The following CWC27 variants were observed in gnomAD, a reference collection of about 807,000 sequenced individuals.
CWC27 encodes the protein CWC27 spliceosome associated cyclophilin.
CWC27 carries 47 observed loss-of-function variants against 63.6 expected under a neutral mutation model. The observed-to-expected ratio is 0.74, with a 90% confidence interval of 0.58 to 0.94. The LOEUF is 0.94. Ranked by LOEUF, CWC27 falls within the 40% of genes least tolerant of loss-of-function variation. CWC27 has a pLI of 0.00. For synonymous variants in CWC27, 175 were observed against 179.8 expected (o/e 0.97, Z 0.22); for missense variants, 495 against 554.3 (o/e 0.89, Z 1.07).
At chr5:64,778,524 AG>A (rs1743541060) in intron 2 of CWC27, among the ~76,000 whole-genome samples, 1 of 152,206 alleles carries the variant, frequency 6.6e-6, no homozygotes, top group Non-Finnish European at 1.5e-5. Context: ...ATGAATTTGT[AG>A]CATTTGAGTG....
At chr5:64,941,780 G>A (rs1430884052) in intron 11 of CWC27, among the ~76,000 whole-genome samples, 3 of 152,004 alleles carry the variant, frequency 2.0e-5, no homozygotes, top group Non-Finnish European at 4.4e-5. Context: ...ACTATCAGGA[G>A]TATGATTTCA....
intron 11 of CWC27, among the ~76,000 whole-genome samples, chr5:64,948,745 T>C (rs1484169510): frequency 6.6e-6 from 1 of 151,980 alleles, no homozygotes; most frequent in Non-Finnish European, 1.5e-5. Flanking sequence ...TAAAATTGAG[T>C]GTGCAGATGA....
chr5:64,992,501 C>T (rs1247480143), intron 13 of CWC27, among the ~76,000 whole-genome samples: 1 of 151,718 alleles, frequency 6.6e-6, no homozygotes, highest in Admixed American at 6.6e-5. Flanking sequence ...CAGCATATAT[C>T]ACCCATTCTC....
At chr5:64,867,941 G>A (rs1287219401) in intron 10 of CWC27, among the ~76,000 whole-genome samples, 1 of 63,604 alleles carries the variant, frequency 1.6e-5, no homozygotes, top group Non-Finnish European at 3.3e-5. Flanking sequence ...TTGTGTTTGG[G>A]GGGGGGGCTG....
At chr5:64,901,144 G>C (rs1747497207) in intron 11 of CWC27, among the ~76,000 whole-genome samples, 1 of 152,098 alleles carries the variant, frequency 6.6e-6, no homozygotes, top group African/African-American at 2.4e-5. Flanking sequence ...ATCCTGTATA[G>C]CATATTACTG....
intron 3 of CWC27, 110 bp from the exon 4 acceptor site, chr5:64,783,726 T>C: frequency 1.1e-6 from 1 of 912,626 alleles, no homozygotes; most frequent in Non-Finnish European, 1.6e-6. Flanking sequence ...TTAAGTAAAA[T>C]GTCTGCATTT....
At chr5:64,833,079 A>G (rs1017176590) in intron 10 of CWC27, among the ~76,000 whole-genome samples, 1 of 151,858 alleles carries the variant, frequency 6.6e-6, no homozygotes, top group African/African-American at 2.4e-5. Flanking sequence ...GTGAAGTTAC[A>G]TGATTTAAAA....
intron 10 of CWC27, among the ~76,000 whole-genome samples, chr5:64,827,042 T>C (rs1023041654): frequency 6.6e-6 from 1 of 152,174 alleles, no homozygotes; most frequent in Admixed American, 6.5e-5. Context: ...TTTCAATGTG[T>C]TTTTCTTTTA....
chr5:64,905,405 T>C (rs552087474), intron 11 of CWC27, among the ~76,000 whole-genome samples: 39 of 152,210 alleles, frequency 2.6e-4, no homozygotes, highest in Admixed American at 7.9e-4. Flanking sequence ...CTTTACTTTC[T>C]GTCTTTTAGA....
At chr5:64,804,482 C>T in intron 10 of CWC27, 96 bp downstream of exon 10, 1 of 1,222,758 alleles carries the variant, frequency 8.2e-7, no homozygotes, top group Non-Finnish European at 1.1e-6. Flanking sequence ...TTTTAAAATA[C>T]TATTTTCATA....
rs774681485 is a variant in CWC27 at position 64,783,853 on chromosome 5, G to T, written c.270G>T (p.Arg90=). 2 of 1,581,830 alleles carry T rather than the reference G, an allele frequency of 1.3e-6. No individual in the cohort carries two copies. Among genetic ancestry groups the T allele is most frequent in the Non-Finnish European group, 8.6e-7 (1 of 1,167,302 alleles). ...CATTTCAGGATGAATTTCATTCACG[G>T]TTGCGTTTTAATCGGAGAGGACTGG... ...GAPFKDEFHS[R]LRFNRRGLVA... The change falls in exon 4 of 14, where the codon CGG becomes CGT. Residue 90 remains arginine, a synonymous_variant. Coordinates refer to ENST00000381070, the MANE Select transcript of CWC27 (RefSeq NM_005869.4).
chr5:64,959,738 T>C (rs1748868396), intron 11 of CWC27, among the ~76,000 whole-genome samples: 1 of 152,236 alleles, frequency 6.6e-6, no homozygotes, highest in Non-Finnish European at 1.5e-5. Context: ...AACTTTTCCA[T>C]TCAGTAAAAG....
chr5:64,861,852 C>A (rs945800944), intron 10 of CWC27, among the ~76,000 whole-genome samples: 1 of 152,126 alleles, frequency 6.6e-6, no homozygotes, highest in African/African-American at 2.4e-5. Flanking sequence ...CTATCATTCT[C>A]ATTACTTTCC....
chr5:64,889,412 C>A (rs1014277033), intron 11 of CWC27, among the ~76,000 whole-genome samples: 7 of 151,822 alleles, frequency 4.6e-5, no homozygotes, highest in African/African-American at 1.7e-4. Context: ...AATAAAACAA[C>A]GAAAAGTAAA....
At chr5:64,846,419 GAATTGTTGTATGCAAAGTT>G (rs1014885863) in intron 10 of CWC27, among the ~76,000 whole-genome samples, 4 of 152,218 alleles carry the variant, frequency 2.6e-5, no homozygotes, top group Admixed American at 1.3e-4. Context: ...AAAAAGTATA[GAATTGTTGTATGCAAAGTT>G]AATTGTTGTA....
intron 10 of CWC27, among the ~76,000 whole-genome samples, chr5:64,819,945 C>T (rs1258614680): frequency 6.6e-6 from 1 of 152,138 alleles, no homozygotes; most frequent in African/African-American, 2.4e-5. Context: ...TAAGGTCATT[C>T]AGAGCTTTTT....
At chr5:64,819,119 G>T (rs2112242562) in intron 10 of CWC27, among the ~76,000 whole-genome samples, 1 of 152,246 alleles carries the variant, frequency 6.6e-6, no homozygotes, top group South Asian at 2.1e-4. Context: ...TTTAATGCTA[G>T]GTTCGGATGT....
Position 64,783,906 on chromosome 5 carries a change from A to T in CWC27, c.323A>T (p.Asp108Val). The T allele has an allele frequency of 6.2e-7, 1 of 1,608,460 alleles. No homozygotes were observed. Among genetic ancestry groups the T allele is most frequent in the East Asian group, 2.3e-5 (1 of 44,346 alleles). ...GCCATGGCAAATGCTGGTTCTCATG[A>T]TAATGGCAGCCAGTTTTTCTTCACA... Reference protein sequence around the residue: ...LVAMANAGSHDNGSQFFFTLG... With the variant: ...LVAMANAGSHVNGSQFFFTLG... The change falls in exon 4 of 14, where the codon GAT becomes GTT. Residue 108 changes from aspartate to valine, a missense_variant. Asp to Val is a radical substitution (Grantham distance 152). Around this residue, in one of 3 missense-constraint regions of CWC27, gnomAD observed 463 missense variants for 498.1 expected, o/e 0.93. Coordinates refer to ENST00000381070, the MANE Select transcript of CWC27 (RefSeq NM_005869.4).
intron 11 of CWC27, among the ~76,000 whole-genome samples, chr5:64,954,683 C>CAT (rs200011871): frequency 0.058 from 8,469 of 146,544 alleles, 553 homozygotes; most frequent in African/African-American, 0.17. Flanking sequence ...CTACCTATAA[C>CAT]ATATATATAT....
Sources: allele counts gnomAD v4.1 joint callset (sites outside exome capture counted in the v4.1 genomes callset), GRCh38; gene constraint gnomAD v4.1.1; regional missense constraint gnomAD v4.1.1; transcripts MANE v1.5; gene names NCBI Gene and HGNC (gene_info 2026-07-23, HGNC 2026-07-21).